ATP13A2: variants seen among roughly 807,000 people sequenced by gnomAD.
ATP13A2 encodes the protein ATPase cation transporting 13A2.
ATP13A2 carries 83 observed loss-of-function variants against 138.3 expected under a neutral mutation model. The observed-to-expected ratio is 0.60, with a 90% CI of 0.50 to 0.72. ATP13A2 has a LOEUF of 0.72. Ranked by LOEUF, ATP13A2 falls within the 30% of genes least tolerant of loss-of-function variation. The probability of loss-of-function intolerance (pLI) is 0.00; values close to 1 mark genes in which losing one functional copy is unlikely to be tolerated. For synonymous variants in ATP13A2, 663 were observed against 699.0 expected, an observed-to-expected ratio of 0.95 and a Z score of 0.81; for missense variants, 1,402 against 1,606.4, an observed-to-expected ratio of 0.87 and a Z score of 2.17.
rs1429210910 is a variant in ATP13A2 at position 17,002,311 on chromosome 1, T to C, written c.620A>G (p.Gln207Arg). ...VHRSRHGLSL[Q>R]DQMVRKAIYG... ...CAGCACTGACCTCACCATTTGGTCC[T>C]GGAGGCTGAGGCCATGGCGGGAGCG... The change falls in exon 7 of 29, where the codon CAG becomes CGG. Residue 207 changes from glutamine (Q) to arginine (R), a missense_variant. Gln to Arg is a conservative substitution (Grantham distance 43, BLOSUM62 1). Coordinates refer to ENST00000326735, the MANE Select transcript of ATP13A2 (RefSeq NM_022089.4). 1.2e-6 allele frequency: 2 copies of C among 1,613,548 alleles called. No homozygotes were observed. The highest frequency in any genetic ancestry group is 1.7e-5 in the Admixed American group (1 of 59,942).
chr1:16,993,384 T>C (rs2077002605), intron 16 of ATP13A2, among the ~76,000 whole-genome samples: 1 of 152,158 alleles, frequency 6.6e-6, no homozygotes, highest in East Asian at 1.9e-4. Flanking sequence ...ATTTTTGTAT[T>C]TTTGGCAGAG....
rs192971903 is a variant in ATP13A2, at chr1:16,999,709, C to T, written c.1039+302G>A. Among the ~76,000 whole-genome samples the T allele has an allele frequency of 2.9e-4, 44 of 152,280 alleles. No homozygotes were observed. In the East Asian group the frequency reaches 7.9e-3, roughly 27 times the overall value. On this transcript the variant is annotated intron_variant, in intron 11 of 28. Coordinates refer to ENST00000326735, the MANE Select transcript of ATP13A2 (RefSeq NM_022089.4). The stretch of plus-strand genomic sequence containing the variant: ...CTGAGGTCAGGAGTTCAAGACCAGC[C>T]TGGGCAACATAGTGAAACTCCATCT...
At position 17,009,703 on chromosome 1, in the gene ATP13A2, C is replaced by T. The variant is rs114584557; in HGVS notation, c.10+2026G>A. Among the ~76,000 whole-genome samples, 1,156 of 152,164 alleles carry T rather than the reference C, an allele frequency of 7.6e-3. 20 individuals are homozygous for T. The highest frequency in any genetic ancestry group is 0.027 in the African/African-American group (1,110 of 41,488). On this transcript the variant is annotated intron_variant, in intron 1 of 28. Coordinates refer to ENST00000326735, the MANE Select transcript of ATP13A2 (RefSeq NM_022089.4). ...AGCCACCACACCCGGCCTCAAGACT[C>T]TTTATGAAGAAAAGGTTCTTCAAAA...
intron 11 of ATP13A2, 64 bp downstream of exon 11, chr1:16,999,947 C>G (rs1386821936): frequency 1.3e-5 from 20 of 1,500,010 alleles, no homozygotes; most frequent in Non-Finnish European, 1.8e-5. Flanking sequence ...AAACTTTTGC[C>G]GCAGGGCAAA....
Position 16,995,550 on chromosome 1 carries a change from C to T in ATP13A2, c.1542+426G>A, listed in dbSNP as rs1014026237. On this transcript the variant is annotated intron_variant, in intron 15 of 28. Coordinates refer to ENST00000326735, the MANE Select transcript of ATP13A2 (RefSeq NM_022089.4). This position sits in a 1 kb window ranked among gnomAD's most constrained non-coding sequence, Gnocchi z 4.1. ...TGATCTTGGCTCACTGCAACCTCTGCGATTCTCCTGCCTCAGCCTCCCGAG... is the reference window on the plus strand; with the variant it reads ...TGATCTTGGCTCACTGCAACCTCTGTGATTCTCCTGCCTCAGCCTCCCGAG... 16 of 325,588 alleles carry T rather than the reference C, an allele frequency of 4.9e-5. No homozygotes were observed. Among genetic ancestry groups the T allele is most frequent in the Admixed American group, 8.5e-5 (2 of 23,602 alleles). The allele number at this position is 325,588 out of a possible 1,614,324, so 20.2% of individuals were successfully genotyped here. A position where few individuals can be genotyped will look rare whatever the true frequency, so the allele number is the denominator to read the frequency against.
In ATP13A2 at chr1:16,986,642, G is replaced by C; in HGVS notation, c.3236-10C>G. 2 of 1,604,130 alleles carry C rather than the reference G, an allele frequency of 1.2e-6. No individual in the cohort carries two copies. Among genetic ancestry groups the C allele is most frequent in the African/African-American group, 1.3e-5 (1 of 74,882 alleles). ...GCCACCAGGAAGGGCACTGGGAGCA[G>C]GAGAGTCTCTCAGGCAGGAGCCACG... is the stretch of plus-strand genomic sequence containing the variant. On this transcript the variant is annotated splice_polypyrimidine_tract_variant and intron_variant, in intron 27 of 28. Coordinates refer to ENST00000326735, the MANE Select transcript of ATP13A2 (RefSeq NM_022089.4). The surrounding 1 kb of genome is among the most constrained non-coding windows in gnomAD (Gnocchi z 6.9).
At position 16,986,283 on chromosome 1, in the gene ATP13A2, G is replaced by A; in HGVS notation, c.3481C>T (p.Gln1161Ter). 2 of 1,603,282 alleles carry A rather than the reference G, an allele frequency of 1.2e-6. No homozygotes were observed. Among genetic ancestry groups the A allele is most frequent in the Non-Finnish European group, 1.7e-6 (2 of 1,175,958 alleles). The change falls in exon 29 of 29, where the codon CAG becomes TAG. Residue 1161 changes from glutamine to a stop codon, truncating the protein, a stop_gained. Coordinates refer to ENST00000326735, the MANE Select transcript of ATP13A2 (RefSeq NM_022089.4). LOFTEE classifies it high-confidence loss of function. This position sits in a 1 kb window ranked among gnomAD's most constrained non-coding sequence, Gnocchi z 6.9. ...TGCTCGGCCAGCTCTCGTTCCAGCT[G>A]CTTGAAGCGCTTCTTGGAGGCCCGC... ...PKRASKKRFK[Q>*]LERELAEQPW...
At chr1:17,005,122 C>T (rs2077503648) in intron 3 of ATP13A2, 50 bp from the exon 4 acceptor site, 8 of 1,610,268 alleles carry the variant, frequency 5.0e-6, no homozygotes, top group Non-Finnish European at 6.8e-6. Context: ...CCTCCCCTCC[C>T]AGGCCCTGTC....
chr1:16,989,617 A>AGGACAGAT, intron 23 of ATP13A2, 74 bp downstream of exon 23: 1 of 1,473,374 alleles, frequency 6.8e-7, no homozygotes, highest in Non-Finnish European at 9.5e-7. Flanking sequence ...GCCCTGGGGA[A>AGGACAGAT]GGACAGATGA....
rs2077095709 is a variant in ATP13A2, at chr1:16,995,748, C to T, written c.1542+228G>A. 3.0e-6 allele frequency: 2 copies of T among 659,626 alleles called. No individual in the cohort carries two copies. The highest frequency in any genetic ancestry group is 2.2e-5 in the Admixed American group (1 of 45,350). 40.9% of individuals were successfully genotyped at this position (659,626 alleles called of 1,614,324 possible). On this transcript the variant is annotated intron_variant, in intron 15 of 28. Coordinates refer to ENST00000326735, the MANE Select transcript of ATP13A2 (RefSeq NM_022089.4). The surrounding 1 kb of genome is among the most constrained non-coding windows in gnomAD (Gnocchi z 4.1). ...GACGTGAGCCACCGCGCCCGGCCCC[C>T]CACCAGTTCTTGAACACATGAATAC...
intron 1 of ATP13A2, among the ~76,000 whole-genome samples, chr1:17,010,809 AT>A (rs1287156839): frequency 2.6e-5 from 4 of 152,042 alleles, no homozygotes; most frequent in African/African-American, 9.7e-5. Flanking sequence ...GGGACCTCTT[AT>A]TTCCTGCGGA....
In ATP13A2 at chr1:17,004,524, A is replaced by G. The variant is rs2077478092; in HGVS notation, c.478-113T>C. On this transcript the variant is annotated intron_variant, in intron 5 of 28. Coordinates refer to ENST00000326735, the MANE Select transcript of ATP13A2 (RefSeq NM_022089.4). This position sits in a 1 kb window ranked among gnomAD's most constrained non-coding sequence, Gnocchi z 4.1. ...AGGGGGCAGGGACTGGTGTCACCAG[A>G]CAGAGAGGTGGGGAGAGGCCTGAAA... 2.0e-6 allele frequency: 3 copies of G among 1,526,728 alleles called. No homozygotes were observed. Among genetic ancestry groups the G allele is most frequent in the East Asian group, 2.3e-5 (1 of 42,746 alleles). The allele number at this position is 1,526,728 out of a possible 1,614,324, so 94.6% of individuals were successfully genotyped here. A position where few individuals can be genotyped will look rare whatever the true frequency, so the allele number is the denominator to read the frequency against.
Position 17,011,844 on chromosome 1 carries a change from AG to A in ATP13A2, c.-107del. 9.7e-7 allele frequency: 1 copy of A among 1,030,962 alleles called. No homozygotes were observed. Among genetic ancestry groups the A allele is most frequent in the Non-Finnish European group, 1.2e-6 (1 of 853,650 alleles). The allele number at this position is 1,030,962 out of a possible 1,614,324, so 63.9% of individuals were successfully genotyped here. A position where few individuals can be genotyped will look rare whatever the true frequency, so the allele number is the denominator to read the frequency against. On this transcript the variant is annotated 5_prime_UTR_variant, in exon 1 of 29. Transcript: ENST00000326735. This position sits in a 1 kb window ranked among gnomAD's most constrained non-coding sequence, Gnocchi z 7.3. The stretch of plus-strand genomic sequence containing the variant: ...GGCGCGGTCCGGACGGCCCGGGGCG[AG>A]GGGCGCTGGGCTAGCGCGGGGCTGG...
rs375894941 is a variant in ATP13A2 at position 16,989,773 on chromosome 1, G to A, written c.2530-3C>T. The A allele has an allele frequency of 2.5e-6, 4 of 1,613,986 alleles. No individual in the cohort carries two copies. The highest frequency in any genetic ancestry group is 3.4e-6 in the Non-Finnish European group (4 of 1,180,012). On this transcript the variant is annotated splice_region_variant and splice_polypyrimidine_tract_variant and intron_variant, in intron 22 of 28. Coordinates refer to ENST00000326735, the MANE Select transcript of ATP13A2 (RefSeq NM_022089.4). ...AAGACAGTGCCCTGGACCAGGACCT[G>A]GGAGCACAGGGAGATGGGGGAGGGC...
chr1:16,995,795 G>T lies in ATP13A2; in HGVS notation c.1542+181C>A. 1.3e-6 allele frequency: 1 copy of T among 794,622 alleles called. No individual in the cohort carries two copies. The highest frequency in any genetic ancestry group is 2.1e-6 in the Non-Finnish European group (1 of 472,262). 49.2% of individuals were successfully genotyped at this position (794,622 alleles called of 1,614,324 possible). A position where few individuals can be genotyped will look rare whatever the true frequency, so the allele number is the denominator to read the frequency against. On this transcript the variant is annotated intron_variant, in intron 15 of 28. Coordinates refer to ENST00000326735, the MANE Select transcript of ATP13A2 (RefSeq NM_022089.4). This position sits in a 1 kb window ranked among gnomAD's most constrained non-coding sequence, Gnocchi z 4.1. ...ATACATGATTCTAGACATTTCATCT[G>T]CCAGACCGTGAGCCCAGTGAGGGCA...
In ATP13A2 at chr1:16,992,472, C is replaced by T. The variant is rs573414889; in HGVS notation, c.1845+14G>A. The T allele has an allele frequency of 7.4e-6, 12 of 1,613,990 alleles. No individual in the cohort carries two copies. The Admixed American group carries it at 1.0e-4, about 13-fold the overall frequency. ...CCCCTCTGCCCTGCACCCAACAGGC[C>T]CCCCTCAGCTCACCATTGCCTGCAG... On this transcript the variant is annotated intron_variant, in intron 17 of 28. Coordinates refer to ENST00000326735, the MANE Select transcript of ATP13A2 (RefSeq NM_022089.4).
At chr1:17,000,373 C>G (rs746062211) in intron 9 of ATP13A2, 27 bp downstream of exon 9, 34 of 1,601,054 alleles carry the variant, frequency 2.1e-5, no homozygotes, top group Non-Finnish European at 2.9e-5. Flanking sequence ...CCACCTGTCC[C>G]GTCCCCACCC....
At position 17,004,587 on chromosome 1, in the gene ATP13A2, A is replaced by T; in HGVS notation, c.477+105T>A. ...TCAGACAGCATCCTGGATGTTTGGGACAACAGAACTAAAAGGTGGTGGGAG... is the reference window on the plus strand; with the variant it reads ...TCAGACAGCATCCTGGATGTTTGGGTCAACAGAACTAAAAGGTGGTGGGAG... On this transcript the variant is annotated intron_variant, in intron 5 of 28. Coordinates refer to ENST00000326735, the MANE Select transcript of ATP13A2 (RefSeq NM_022089.4). The surrounding 1 kb of genome is among the most constrained non-coding windows in gnomAD (Gnocchi z 4.1). The T allele has an allele frequency of 1.9e-6, 3 of 1,605,970 alleles. No individual in the cohort carries two copies. Among genetic ancestry groups the T allele is most frequent in the Non-Finnish European group, 1.7e-6 (2 of 1,174,576 alleles).
At chr1:16,996,227 A>T in intron 14 of ATP13A2, 27 bp downstream of exon 14, 2 of 1,613,592 alleles carry the variant, frequency 1.2e-6, no homozygotes, top group Non-Finnish European at 8.5e-7. Context: ...TGCTGGCAGC[A>T]CCCCCCACCC....
Sources: gnomAD v4.1 joint callset for allele counts (sites outside exome capture counted in the v4.1 genomes callset) on GRCh38, gnomAD v4.1.1 for gene constraint, Gnocchi (gnomAD v3.1) non-coding constraint, MANE v1.5 for transcripts, NCBI Gene and HGNC (gene_info 2026-07-23, HGNC 2026-07-21) for gene names.